The following HMCN1 variants were observed in gnomAD, a reference collection of about 807,000 sequenced individuals.
HMCN1 encodes the protein hemicentin-1.
In HMCN1, 321 loss-of-function variants were observed where a neutral mutation model predicts 625.9. The observed-to-expected ratio is 0.51, with a 90% CI of 0.47 to 0.56. The LOEUF is 0.56. HMCN1 is among the 20% of genes least tolerant of loss of function. HMCN1 has a pLI of 0.00. For synonymous variants in HMCN1, 2,425 were observed against 2,417.6 expected (o/e 1.00, Z -0.09); for missense variants, 6,588 against 6,887.3 (o/e 0.96, Z 1.54).
At chr1:185,748,616 G>C (rs934534967) in intron 1 of HMCN1, among the ~76,000 whole-genome samples, 1 of 152,168 alleles carries the variant, frequency 6.6e-6, no homozygotes, top group Non-Finnish European at 1.5e-5. Flanking sequence ...GTAAAATTTA[G>C]TAGAGTTAGA....
At chr1:186,024,724 G>A (rs151177835) in intron 36 of HMCN1, among the ~76,000 whole-genome samples, 18 of 152,216 alleles carry the variant, frequency 1.2e-4, no homozygotes, top group Admixed American at 5.2e-4. Flanking sequence ...CTAAATAAAT[G>A]TTAGCAGCTA....
intron 15 of HMCN1, among the ~76,000 whole-genome samples, chr1:185,974,400 ATGT>A (rs1213810896): frequency 2.6e-5 from 4 of 152,180 alleles, no homozygotes; most frequent in Non-Finnish European, 5.9e-5. Flanking sequence ...GAGATAGGAA[ATGT>A]TATTATGCCT....
At chr1:185,800,202 G>A (rs947837078) in intron 1 of HMCN1, among the ~76,000 whole-genome samples, 3 of 152,242 alleles carry the variant, frequency 2.0e-5, no homozygotes, top group African/African-American at 4.8e-5. Context: ...GTGTCCAGAA[G>A]CTTGCCCTAG....
At chr1:185,987,403 C>CA (rs1652072355) in intron 19 of HMCN1, 29 bp from the exon 20 acceptor site, 1 of 1,354,870 alleles carries the variant, frequency 7.4e-7, no homozygotes, top group Admixed American at 1.7e-5. Context: ...AACAGGTGCT[C>CA]AGATTCCAAA....
In HMCN1 at chr1:186,189,624, A is replaced by T. The variant is rs931927965; in HGVS notation, c.16654A>T (p.Ile5552Phe). 1.6e-5 allele frequency: 26 copies of T among 1,613,086 alleles called. No individual in the cohort carries two copies. The highest frequency in any genetic ancestry group is 2.2e-5 in the East Asian group (1 of 44,866). Reference protein sequence around the residue: ...PFGIATNQDLIRLVAYTQDGV... With the variant: ...PFGIATNQDLFRLVAYTQDGV... ...TGGAATAGCCACCAATCAAGATTTA[A>T]TCCGGCTGGTTGCATACACACAGGA... Residue 5552 changes from isoleucine (I) to phenylalanine (F), a missense_variant, in exon 107 of 107, where the codon ATC (isoleucine) becomes TTC (phenylalanine). Coordinates refer to ENST00000271588, the MANE Select transcript of HMCN1 (RefSeq NM_031935.3).
In HMCN1 at chr1:186,037,923, G is replaced by A. The variant is rs771881752; in HGVS notation, c.5750-11G>A. The A allele has an allele frequency of 6.8e-7, 1 of 1,474,740 alleles. No homozygotes were observed. Among genetic ancestry groups the A allele is most frequent in the East Asian group, 2.3e-5 (1 of 44,118 alleles). 91.4% of individuals were successfully genotyped at this position (1,474,740 alleles called of 1,614,324 possible). A position where few individuals can be genotyped will look rare whatever the true frequency, so the allele number is the denominator to read the frequency against. Reference sequence around the variant, plus strand: ...TTATAAGAAATAATTATCTGTTTGGGCCTCTTGTAGAACCACCTAGTCTGG... The same window carrying A: ...TTATAAGAAATAATTATCTGTTTGGACCTCTTGTAGAACCACCTAGTCTGG... On this transcript the variant is annotated splice_polypyrimidine_tract_variant and intron_variant, in intron 36 of 106. Coordinates refer to ENST00000271588, the MANE Select transcript of HMCN1 (RefSeq NM_031935.3).
In HMCN1 at chr1:186,016,621, A is replaced by C. The variant is rs374982160; in HGVS notation, c.5192-342A>C. 3.9e-5 allele frequency among the ~76,000 whole-genome samples: 6 copies of C among 152,050 alleles called. No individual in the cohort carries two copies. The East Asian group carries it at 1.2e-3, about 29-fold the overall frequency. On this transcript the variant is annotated intron_variant, in intron 32 of 106. Transcript: ENST00000271588. ...CTTGAAACTCAGTATCTTTATCTAT[A>C]AATTGAAGGCTTTTGAATAGATGCC...
chr1:185,890,031 A>T (rs1664950804), intron 4 of HMCN1, among the ~76,000 whole-genome samples: 1 of 151,438 alleles, frequency 6.6e-6, no homozygotes, highest in Admixed American at 6.6e-5. Flanking sequence ...TTCCTGGTTT[A>T]GTCTTGGGAG....
chr1:186,153,631 A>G, intron 96 of HMCN1, 119 bp from the exon 97 acceptor site: 2 of 810,858 alleles, frequency 2.5e-6, no homozygotes, highest in Non-Finnish European at 4.4e-6. Flanking sequence ...ATCATGCATG[A>G]TGTGTGTTTT....
chr1:186,160,926 G>A (rs1651419333), intron 97 of HMCN1, among the ~76,000 whole-genome samples: 1 of 151,832 alleles, frequency 6.6e-6, no homozygotes, highest in Non-Finnish European at 1.5e-5. Flanking sequence ...TTCTGTAGAT[G>A]TCTATTAGGT....
intron 1 of HMCN1, among the ~76,000 whole-genome samples, chr1:185,832,920 C>T (rs1660952432): frequency 6.6e-6 from 1 of 152,140 alleles, no homozygotes; most frequent in Non-Finnish European, 1.5e-5. Context: ...TAACCAACAA[C>T]CCAGTAAAAG....
At chr1:185,829,450 C>G (rs917710140) in intron 1 of HMCN1, among the ~76,000 whole-genome samples, 6 of 152,034 alleles carry the variant, frequency 3.9e-5, no homozygotes, top group East Asian at 1.9e-4. Flanking sequence ...GTCATTCCCC[C>G]CTCTGTGTCC....
chr1:186,085,302 G>A (rs1166110232), intron 57 of HMCN1, among the ~76,000 whole-genome samples: 1 of 152,096 alleles, frequency 6.6e-6, no homozygotes, highest in African/African-American at 2.4e-5. Flanking sequence ...CAAAGTTCTG[G>A]TGGCCGGAAA....
intron 1 of HMCN1, among the ~76,000 whole-genome samples, chr1:185,744,904 G>A (rs1654280927): frequency 1.3e-5 from 2 of 152,166 alleles, no homozygotes; most frequent in South Asian, 4.1e-4. Flanking sequence ...ATTGGAACAA[G>A]GGAGTCCTGA....
chr1:185,735,662 G>A (rs188956117), intron 1 of HMCN1, among the ~76,000 whole-genome samples: 1 of 152,298 alleles, frequency 6.6e-6, no homozygotes, highest in African/African-American at 2.4e-5. Flanking sequence ...TGTCTCCTGC[G>A]GTAGAATTGC....
rs1664853174 is a variant in HMCN1, at chr1:185,888,857, T to A, written c.622-20480T>A. ...CCAATTCTGTGAAGAAAGGCATTGG[T>A]AGCTTGATGGGGATGGCATTGAATC... On this transcript the variant is annotated intron_variant, in intron 4 of 106. Transcript: ENST00000271588. Among the ~76,000 whole-genome samples the A allele has an allele frequency of 6.8e-5, 10 of 147,360 alleles. No individual in the cohort carries two copies. The South Asian group carries it at 2.1e-3, about 31-fold the overall frequency.
intron 11 of HMCN1, among the ~76,000 whole-genome samples, chr1:185,960,247 G>A (rs1405782463): frequency 6.7e-6 from 1 of 150,242 alleles, no homozygotes; most frequent in Non-Finnish European, 1.5e-5. Flanking sequence ...TCCTGCCTCA[G>A]CCTCCCAAGT....
Position 185,734,820 on chromosome 1 carries a change from C to A in HMCN1, c.41C>A (p.Ala14Asp). The change falls in exon 1 of 107, where the codon GCT becomes GAT. Residue 14 changes from alanine (A) to aspartate (D), a missense_variant. Transcript: ENST00000271588. ...GTTGTCCATACAGTATTCCTGTTTG[C>A]TCTTCTTTATTCTTCCCTAGCTCAA... is the stretch of plus-strand genomic sequence containing the variant. The part of the protein sequence containing the change: ...WEVVHTVFLF[A>D]LLYSSLAQDA... The A allele has an allele frequency of 6.2e-7, 1 of 1,614,024 alleles. No individual in the cohort carries two copies. Among genetic ancestry groups the A allele is most frequent in the East Asian group, 2.2e-5 (1 of 44,878 alleles).
intron 68 of HMCN1, among the ~76,000 whole-genome samples, chr1:186,102,804 T>C (rs926279263): frequency 3.3e-5 from 5 of 152,120 alleles, no homozygotes; most frequent in Admixed American, 1.3e-4. Context: ...GGAATGTGTT[T>C]TAAAGGAATT....
Sources: allele counts gnomAD v4.1 joint callset (sites outside exome capture counted in the v4.1 genomes callset), GRCh38; gene constraint gnomAD v4.1.1; transcripts MANE v1.5; gene names NCBI Gene and HGNC (gene_info 2026-07-23, HGNC 2026-07-21).